The following PLXDC2 variants were observed in gnomAD, a reference collection of about 807,000 sequenced individuals.
PLXDC2 encodes plexin domain containing 2.
PLXDC2 carries 40 observed loss-of-function variants against 68.9 expected under a neutral mutation model. The observed-to-expected ratio is 0.58, with a 90% CI of 0.45 to 0.76. PLXDC2 has a LOEUF of 0.76. Among genes scored for constraint, PLXDC2 ranks in the 30% least tolerant of loss-of-function variants. The pLI is 0.00. For missense variants in PLXDC2, 644 were observed against 661.9 expected (o/e 0.97, Z 0.30); for synonymous variants, 243 against 234.2 (o/e 1.04, Z -0.34).
chr10:20,019,331 T>G (rs1251972674), intron 2 of PLXDC2, among the ~76,000 whole-genome samples: 1 of 145,236 alleles, frequency 6.9e-6, no homozygotes, highest in African/African-American at 2.6e-5. Context: ...GATTGAGAAA[T>G]TACAGGCAAG....
At chr10:20,256,664 TC>T (rs1272435552) in intron 13 of PLXDC2, among the ~76,000 whole-genome samples, 7 of 151,988 alleles carry the variant, frequency 4.6e-5, no homozygotes. Flanking sequence ...TTATGTTATT[TC>T]CTTTTTTTTT....
chr10:20,179,922 T>C (rs1834578639), intron 9 of PLXDC2, among the ~76,000 whole-genome samples: 1 of 152,068 alleles, frequency 6.6e-6, no homozygotes, highest in South Asian at 2.1e-4. Flanking sequence ...GACACCCAGC[T>C]TTTGGTCTTG....
At chr10:20,263,987 G>C (rs537814192) in intron 13 of PLXDC2, among the ~76,000 whole-genome samples, 13 of 152,116 alleles carry the variant, frequency 8.5e-5, no homozygotes, top group Non-Finnish European at 1.3e-4. Flanking sequence ...GGAATATAAA[G>C]CATTCTATCC....
intron 4 of PLXDC2, among the ~76,000 whole-genome samples, chr10:20,124,884 G>T (rs904001321): frequency 6.6e-6 from 1 of 152,116 alleles, no homozygotes; most frequent in African/African-American, 2.4e-5. Flanking sequence ...GGATGTGTAC[G>T]TGCAGGTCAC....
chr10:20,230,642 A>G (rs1238399980), intron 12 of PLXDC2, among the ~76,000 whole-genome samples: 3 of 133,554 alleles, frequency 2.2e-5, no homozygotes, highest in Non-Finnish European at 3.1e-5. Context: ...AGTTCACACC[A>G]TGGTGAGCGC....
At chr10:20,152,600 A>T (rs1834166475) in intron 6 of PLXDC2, among the ~76,000 whole-genome samples, 1 of 152,078 alleles carries the variant, frequency 6.6e-6, no homozygotes, top group Admixed American at 6.5e-5. Flanking sequence ...TGCATTTTTC[A>T]ATTTTAGAGT....
chr10:20,077,799 A>C (rs1836477712), intron 4 of PLXDC2, among the ~76,000 whole-genome samples: 1 of 152,250 alleles, frequency 6.6e-6, no homozygotes, highest in Non-Finnish European at 1.5e-5. Context: ...GAGTGAAAAC[A>C]TTAAAAATAT....
chr10:20,164,758 G>A (rs1834351723), intron 7 of PLXDC2, among the ~76,000 whole-genome samples, 191 bp downstream of exon 7: 1 of 152,124 alleles, frequency 6.6e-6, no homozygotes, highest in South Asian at 2.1e-4. Context: ...GCTAACTCAG[G>A]TAAAGACAAA....
rs188797434 is a variant in PLXDC2 at position 20,275,999 on chromosome 10, G to A, written c.1474-3704G>A. ...ACAATACTCTCGTTCATTTAGATTC[G>A]GAAACTGAGTAACAAGACGTGACTT... On this transcript the variant is annotated intron_variant, in intron 13 of 13. Transcript: ENST00000377252. Among the ~76,000 whole-genome samples, 437 of 152,034 alleles carry A rather than the reference G, an allele frequency of 2.9e-3. 3 individuals carry two copies. Among genetic ancestry groups the A allele is most frequent in the African/African-American group, 9.9e-3 (411 of 41,466 alleles).
At chr10:19,886,648 A>T (rs1343272015) in intron 1 of PLXDC2, among the ~76,000 whole-genome samples, 1 of 152,244 alleles carries the variant, frequency 6.6e-6, no homozygotes, top group Non-Finnish European at 1.5e-5. Context: ...GCTATCTATG[A>T]CAAACCCACA....
intron 4 of PLXDC2, among the ~76,000 whole-genome samples, chr10:20,080,795 C>G (rs1298575728): frequency 6.6e-6 from 1 of 152,200 alleles, no homozygotes. Flanking sequence ...CAAGGCAAAC[C>G]ACTGTCCCCA....
At chr10:19,949,025 G>C (rs1833951855) in intron 1 of PLXDC2, among the ~76,000 whole-genome samples, 1 of 145,300 alleles carries the variant, frequency 6.9e-6, no homozygotes, top group South Asian at 2.2e-4. Flanking sequence ...AGCTACTTGA[G>C]AGACTGAGGC....
chr10:19,980,746 G>C (rs1834538144), intron 1 of PLXDC2, among the ~76,000 whole-genome samples: 1 of 152,138 alleles, frequency 6.6e-6, no homozygotes, highest in African/African-American at 2.4e-5. Flanking sequence ...AACCTTATAG[G>C]ATCAGAGATC....
At chr10:20,109,289 C>T (rs903082873) in intron 4 of PLXDC2, among the ~76,000 whole-genome samples, 10 of 152,298 alleles carry the variant, frequency 6.6e-5, no homozygotes, top group Middle Eastern at 3.4e-3. Context: ...CAATGACACA[C>T]TGTGTCATCC....
intron 13 of PLXDC2, among the ~76,000 whole-genome samples, chr10:20,259,246 A>AG (rs1835781411): frequency 6.6e-6 from 1 of 152,110 alleles, no homozygotes; most frequent in African/African-American, 2.4e-5. Flanking sequence ...ATAGTAAAAT[A>AG]TTTTAAAACG....
chr10:20,051,439 T>G, intron 3 of PLXDC2, among the ~76,000 whole-genome samples: 1 of 133,596 alleles, frequency 7.5e-6, no homozygotes, highest in South Asian at 2.4e-4. Flanking sequence ...TATATATATA[T>G]ATATGTGCTA....
intron 4 of PLXDC2, among the ~76,000 whole-genome samples, chr10:20,095,329 G>A (rs1052754820): frequency 1.3e-5 from 2 of 151,984 alleles, no homozygotes; most frequent in Non-Finnish European, 1.5e-5. Flanking sequence ...CAATTTCCTA[G>A]GTGCAATAAA....
intron 12 of PLXDC2, among the ~76,000 whole-genome samples, chr10:20,234,676 T>TC (rs1835410455): frequency 6.6e-6 from 1 of 150,838 alleles, no homozygotes; most frequent in South Asian, 2.1e-4. Context: ...TTTTTTTTTT[T>TC]TTTTTCCTTT....
At chr10:19,963,344 G>T (rs1219648307) in intron 1 of PLXDC2, among the ~76,000 whole-genome samples, 2 of 152,158 alleles carry the variant, frequency 1.3e-5, no homozygotes, top group African/African-American at 4.8e-5. Context: ...GAGAGAAAAT[G>T]TCCACTGAGA....
Sources: allele counts gnomAD v4.1 joint callset (sites outside exome capture counted in the v4.1 genomes callset), GRCh38; gene constraint gnomAD v4.1.1; transcripts MANE v1.5; gene names NCBI Gene and HGNC (gene_info 2026-07-23, HGNC 2026-07-21).